The following EEIG2 variants were observed in gnomAD, a reference collection of about 807,000 sequenced individuals.
EEIG2 encodes the protein family with sequence similarity 102 member B.
At chr1:108,586,314 GGTGTGTGTGTGTGTGTGTGT>G in the EEIG2 span, among the ~76,000 whole-genome samples, 8 of 148,106 alleles carry the variant, frequency 5.4e-5, no homozygotes, top group South Asian at 1.1e-3. Context: ...TACGCAGAGG[GGTGTGTGTGTGTGTGTGTGT>G]GTGTGTGTGT....
chr1:108,605,567 CAT>C, the EEIG2 span, among the ~76,000 whole-genome samples: 1 of 152,044 alleles, frequency 6.6e-6, no homozygotes, highest in Non-Finnish European at 1.5e-5. Flanking sequence ...ATGACAAAGA[CAT>C]ATATACAAAC....
chr1:108,596,912 G>C, the EEIG2 span, among the ~76,000 whole-genome samples: 1 of 151,852 alleles, frequency 6.6e-6, no homozygotes, highest in African/African-American at 2.4e-5. Flanking sequence ...TAAATTTTTT[G>C]TTGAAACAGG....
chr1:108,634,526 G>C, the EEIG2 span, among the ~76,000 whole-genome samples: 1 of 152,178 alleles, frequency 6.6e-6, no homozygotes, highest in African/African-American at 2.4e-5. Context: ...TGGGTACCTG[G>C]TGATAACTTC....
the EEIG2 span, among the ~76,000 whole-genome samples, chr1:108,572,972 T>C: frequency 2.0e-5 from 3 of 152,216 alleles, 1 homozygote; most frequent in Non-Finnish European, 4.4e-5. Flanking sequence ...TAATAGTAAT[T>C]ATCTGGATAT....
At chr1:108,608,102 C>A in the EEIG2 span, among the ~76,000 whole-genome samples, 1 of 152,192 alleles carries the variant, frequency 6.6e-6, no homozygotes, top group South Asian at 2.1e-4. Flanking sequence ...AACACTCATA[C>A]ATTCATCCTT....
chr1:108,611,868 T>TA, the EEIG2 span, among the ~76,000 whole-genome samples: 7 of 152,310 alleles, frequency 4.6e-5, no homozygotes, highest in Admixed American at 1.3e-4. Context: ...AGCTGTTTGA[T>TA]ACACATTATT....
the EEIG2 span, among the ~76,000 whole-genome samples, chr1:108,613,477 A>G: frequency 2.0e-5 from 3 of 152,288 alleles, no homozygotes; most frequent in East Asian, 1.9e-4. Flanking sequence ...CAGAATGACA[A>G]TGTTTTCATT....
At chr1:108,610,428 TC>T in the EEIG2 span, among the ~76,000 whole-genome samples, 1 of 152,146 alleles carries the variant, frequency 6.6e-6, no homozygotes, top group African/African-American at 2.4e-5. Flanking sequence ...GCTTTAATTT[TC>T]CGATTGAAAT....
At chr1:108,572,608 A>ATTTAT in the EEIG2 span, among the ~76,000 whole-genome samples, 20 of 151,404 alleles carry the variant, frequency 1.3e-4, no homozygotes, top group Admixed American at 9.2e-4. Flanking sequence ...GATTTATTTG[A>ATTTAT]TTTATTTTAT....
At chr1:108,560,697 TGCAAA>T in the EEIG2 span, 1 of 1,100,820 alleles carries the variant, frequency 9.1e-7, no homozygotes, top group South Asian at 1.6e-5. Flanking sequence ...TTTATTGATC[TGCAAA>T]GTGCTTTGCA....
chr1:108,624,971 C>T, the EEIG2 span: 2 of 469,068 alleles, frequency 4.3e-6, no homozygotes, highest in African/African-American at 1.9e-5. Flanking sequence ...TCACTGTATG[C>T]ATCTACTCCC....
chr1:108,573,051 C>T, the EEIG2 span, among the ~76,000 whole-genome samples: 1 of 152,108 alleles, frequency 6.6e-6, no homozygotes, highest in Non-Finnish European at 1.5e-5. Flanking sequence ...AATAAAGTTG[C>T]CATACATTTG....
chr1:108,629,535 G>T, the EEIG2 span: 1 of 1,197,992 alleles, frequency 8.3e-7, no homozygotes, highest in South Asian at 1.4e-5. Context: ...CCATATATTT[G>T]ACAATAGTCT....
At chr1:108,596,219 A>T in the EEIG2 span, among the ~76,000 whole-genome samples, 1 of 151,848 alleles carries the variant, frequency 6.6e-6, no homozygotes, top group Non-Finnish European at 1.5e-5. Flanking sequence ...ATCTAAAGTT[A>T]TATACTTCTG....
At chr1:108,602,484 T>TC in the EEIG2 span, among the ~76,000 whole-genome samples, 1 of 152,192 alleles carries the variant, frequency 6.6e-6, no homozygotes, top group Non-Finnish European at 1.5e-5. Flanking sequence ...CACATAATTT[T>TC]CCCTCTTTGC....
chr1:108,565,618 CT>C, the EEIG2 span, among the ~76,000 whole-genome samples: 12 of 151,172 alleles, frequency 7.9e-5, 1 homozygote. Flanking sequence ...TTTTGTTCAT[CT>C]TTTTTTTTGT....
the EEIG2 span, among the ~76,000 whole-genome samples, chr1:108,586,840 A>G: frequency 6.6e-6 from 1 of 152,136 alleles, no homozygotes; most frequent in Non-Finnish European, 1.5e-5. Flanking sequence ...TACAACTATT[A>G]TTTTCCCACA....
At chr1:108,566,081 A>G in the EEIG2 span, among the ~76,000 whole-genome samples, 1 of 152,158 alleles carries the variant, frequency 6.6e-6, no homozygotes, top group Non-Finnish European at 1.5e-5. Flanking sequence ...TATACTTAGT[A>G]TGGTTTTTTA....
the EEIG2 span, among the ~76,000 whole-genome samples, chr1:108,572,256 T>C: frequency 6.6e-6 from 1 of 152,236 alleles, no homozygotes; most frequent in South Asian, 2.1e-4. Context: ...GCACTTCTTC[T>C]GCCTGCCCTT....
Sources: gnomAD v4.1 joint callset for allele counts (sites outside exome capture counted in the v4.1 genomes callset) on GRCh38, gnomAD v4.1.1 for gene constraint, MANE v1.5 for transcripts, NCBI Gene and HGNC (gene_info 2026-07-23, HGNC 2026-07-21) for gene names.